Variants in N4BP1 observed in about 807,000 individuals in gnomAD.
The protein encoded by N4BP1 is NEDD4-binding protein 1.
Under a neutral mutation model 70.9 loss-of-function variants are expected in N4BP1, and 21 were observed. That is an observed-to-expected ratio of 0.30 (90% CI 0.21 to 0.43). The LOEUF is 0.43. Ranked by LOEUF, N4BP1 falls within the 20% of genes least tolerant of loss-of-function variation. The pLI, the probability that N4BP1 is intolerant of heterozygous loss-of-function variation, is 1.00. For synonymous variants in N4BP1, 387 were observed against 394.6 expected (o/e 0.98, Z 0.23); for missense variants, 936 against 1,069.4 (o/e 0.88, Z 1.74).
At chr16:48,588,551 T>G (rs1964282478) in intron 1 of N4BP1, among the ~76,000 whole-genome samples, 2 of 152,140 alleles carry the variant, frequency 1.3e-5, no homozygotes, top group Admixed American at 1.3e-4. Flanking sequence ...TGCCTCGACC[T>G]CCCAATGTGT....
At chr16:48,595,635 T>TA (rs1487775734) in intron 1 of N4BP1, among the ~76,000 whole-genome samples, 4 of 152,196 alleles carry the variant, frequency 2.6e-5, no homozygotes, top group Non-Finnish European at 5.9e-5. Flanking sequence ...GTTATTTACA[T>TA]AAGTGCAATA....
chr16:48,552,656 C>A (rs192827814), intron 3 of N4BP1, among the ~76,000 whole-genome samples: 2 of 133,422 alleles, frequency 1.5e-5, no homozygotes, highest in African/African-American at 2.9e-5. Context: ...CGAGATCATG[C>A]CGCTGCACTC....
chr16:48,608,022 G>C (rs532534989), intron 1 of N4BP1, among the ~76,000 whole-genome samples: 1 of 152,070 alleles, frequency 6.6e-6, no homozygotes, highest in African/African-American at 2.4e-5. Context: ...CCACCACGCC[G>C]GGCTAATTTT....
chr16:48,549,988 T>G (rs1438116964), intron 4 of N4BP1, among the ~76,000 whole-genome samples: 2 of 152,230 alleles, frequency 1.3e-5, no homozygotes, highest in African/African-American at 4.8e-5. Flanking sequence ...CAAATACTAG[T>G]AGACTTGCTA....
rs1963511568 is a variant in N4BP1, at chr16:48,542,237, G to A, written c.*667C>T. 6.6e-6 allele frequency: 1 copy of A among 152,374 alleles called. No individual in the cohort carries two copies. Among genetic ancestry groups the A allele is most frequent in the Non-Finnish European group, 1.5e-5 (1 of 68,134 alleles). 9.4% of individuals were successfully genotyped at this position (152,374 alleles called of 1,614,324 possible). ...TGCGCAGGGTGGAAGGGGGAAGGAG[G>A]GTGGGACTCCATGGGCTCCACGATG... On this transcript the variant is annotated 3_prime_UTR_variant, in exon 7 of 7. Coordinates refer to ENST00000262384, the MANE Select transcript of N4BP1 (RefSeq NM_153029.4).
At chr16:48,569,468 C>T (rs924528995) in intron 1 of N4BP1, among the ~76,000 whole-genome samples, 3 of 152,200 alleles carry the variant, frequency 2.0e-5, no homozygotes, top group Non-Finnish European at 2.9e-5. Flanking sequence ...TCATAGCTCA[C>T]TGCAGCCTCA....
At chr16:48,587,752 A>G (rs1330188540) in intron 1 of N4BP1, among the ~76,000 whole-genome samples, 1 of 152,236 alleles carries the variant, frequency 6.6e-6, no homozygotes, top group Non-Finnish European at 1.5e-5. Flanking sequence ...AATGGCCACT[A>G]TTAAAGAACA....
rs1402886688 is a variant in N4BP1, at chr16:48,546,021, T to C, written c.2333+126A>G. 1.6e-5 allele frequency: 9 copies of C among 563,782 alleles called. No homozygotes were observed. The East Asian group carries it at 1.7e-4, about 10-fold the overall frequency. 34.9% of individuals were successfully genotyped at this position (563,782 alleles called of 1,614,324 possible). On this transcript the variant is annotated intron_variant, in intron 6 of 6. Transcript: ENST00000262384. ...CCAGCCTCGGTGACAGAGGAAGACC[T>C]TGTCTCAAAAAAAAAAAAAATAATT...
In N4BP1 at chr16:48,559,148, G is replaced by A. The variant is rs1963805934; in HGVS notation, c.1889+1606C>T. Among the ~76,000 whole-genome samples the A allele has an allele frequency of 2.6e-5, 4 of 152,100 alleles. No homozygotes were observed. In the South Asian group the frequency reaches 8.3e-4, roughly 32 times the overall value. On this transcript the variant is annotated intron_variant, in intron 2 of 6. Coordinates refer to ENST00000262384, the MANE Select transcript of N4BP1 (RefSeq NM_153029.4). The stretch of plus-strand genomic sequence containing the variant: ...CTGGTAATTGTTGAAGGTGGGTGAT[G>A]AACCCCTGGGAATTCATTATCTTAT...
chr16:48,543,072 C>T lies in N4BP1; in HGVS notation c.2523G>A (p.Gln841=). The change falls in exon 7 of 7, where the codon CAG becomes CAA. Residue 841 remains glutamine (Q), a synonymous_variant. Transcript: ENST00000262384. ...PLLPALPSLQ[Q]NLPMPAQRSS... ...ATCTCTGAGCTGGCATGGGCAGGTT[C>T]TGCTGGAGACTGGGGAGGGCTGGCA... 1 of 1,613,976 alleles carries T rather than the reference C, an allele frequency of 6.2e-7. No individual in the cohort carries two copies. Among genetic ancestry groups the T allele is most frequent in the African/African-American group, 1.3e-5 (1 of 75,060 alleles).
intron 1 of N4BP1, among the ~76,000 whole-genome samples, chr16:48,590,360 A>T (rs1964316826): frequency 6.6e-6 from 1 of 152,148 alleles, no homozygotes; most frequent in Admixed American, 6.5e-5. Flanking sequence ...GAGGGTTTTG[A>T]GTAATAATAA....
At chr16:48,604,691 G>GT (rs1421037964) in intron 1 of N4BP1, among the ~76,000 whole-genome samples, 3 of 151,166 alleles carry the variant, frequency 2.0e-5, no homozygotes, top group African/African-American at 4.9e-5. Context: ...ACATATAACT[G>GT]TTTTTTTAAA....
intron 2 of N4BP1, 141 bp from the exon 3 acceptor site, chr16:48,553,810 T>C (rs901187005): frequency 2.7e-6 from 2 of 730,782 alleles, no homozygotes; most frequent in East Asian, 3.0e-5. Flanking sequence ...TTTTGGCATT[T>C]AGTTGCACAA....
intron 1 of N4BP1, among the ~76,000 whole-genome samples, chr16:48,593,410 A>G (rs1004019684): frequency 1.3e-5 from 2 of 152,258 alleles, no homozygotes; most frequent in Non-Finnish European, 2.9e-5. Context: ...GGGAATATGA[A>G]TTTCTCACCT....
intron 1 of N4BP1, among the ~76,000 whole-genome samples, chr16:48,591,974 C>T (rs1478973287): frequency 2.7e-5 from 4 of 150,106 alleles, no homozygotes; most frequent in Admixed American, 2.0e-4. Flanking sequence ...AAATTAGGTA[C>T]AAAATGTACT....
chr16:48,571,127 T>C (rs1964014867), intron 1 of N4BP1, among the ~76,000 whole-genome samples: 1 of 152,206 alleles, frequency 6.6e-6, no homozygotes, highest in African/African-American at 2.4e-5. Context: ...GGAAACTTCT[T>C]GCCTGTTAAT....
At chr16:48,581,060 A>G (rs973727579) in intron 1 of N4BP1, among the ~76,000 whole-genome samples, 13 of 152,148 alleles carry the variant, frequency 8.5e-5, no homozygotes, top group African/African-American at 3.1e-4. Flanking sequence ...GAATTCAATA[A>G]CACATTAAAA....
intron 3 of N4BP1, 121 bp from the exon 4 acceptor site, chr16:48,551,603 A>C: frequency 1.7e-6 from 1 of 588,714 alleles, no homozygotes. Context: ...TTTTCTATTG[A>C]CTCAATTTTA....
intron 2 of N4BP1, among the ~76,000 whole-genome samples, chr16:48,557,102 G>A (rs970679690): frequency 3.3e-5 from 5 of 152,136 alleles, no homozygotes; most frequent in African/African-American, 7.2e-5. Flanking sequence ...AGGTTTTCAT[G>A]GTGGTATGGG....
Sources: gnomAD v4.1 joint callset for allele counts (sites outside exome capture counted in the v4.1 genomes callset) on GRCh38, gnomAD v4.1.1 for gene constraint, MANE v1.5 for transcripts, NCBI Gene and HGNC (gene_info 2026-07-23, HGNC 2026-07-21) for gene names.